The following ZNF521 variants were observed in gnomAD, a reference collection of about 807,000 sequenced individuals.
ZNF521 encodes the protein LYST-interacting protein 3.
ZNF521 carries 14 observed loss-of-function variants against 105.5 expected under a neutral mutation model. The observed-to-expected ratio is 0.13, with a 90% CI of 0.09 to 0.21. ZNF521 has a LOEUF of 0.21. ZNF521 is among the 10% of genes least tolerant of loss of function. The pLI is 1.00. For missense variants in ZNF521, 1,233 were observed against 1,629.7 expected, an observed-to-expected ratio of 0.76 and a Z score of 4.19; for synonymous variants, 635 against 606.0, an observed-to-expected ratio of 1.05 and a Z score of -0.70.
intron 4 of ZNF521, among the ~76,000 whole-genome samples, chr18:25,216,747 G>A (rs1905351390): frequency 6.6e-6 from 1 of 152,120 alleles, no homozygotes; most frequent in African/African-American, 2.4e-5. Context: ...TGTAGAGACA[G>A]GATCTTGCTG....
At chr18:25,071,007 T>TA (rs1246498283) in intron 7 of ZNF521, among the ~76,000 whole-genome samples, 6 of 152,090 alleles carry the variant, frequency 3.9e-5, no homozygotes, top group African/African-American at 1.4e-4. Context: ...AGGTTTAAAT[T>TA]AGAGGTCAGA....
In ZNF521 at chr18:25,062,097, T is replaced by C. The variant is rs889770180; in HGVS notation, c.*615A>G. 1 of 200,584 alleles carries C rather than the reference T, an allele frequency of 5.0e-6. No individual in the cohort carries two copies. Among genetic ancestry groups the C allele is most frequent in the African/African-American group, 2.3e-5 (1 of 43,618 alleles). 12.4% of individuals were successfully genotyped at this position (200,584 alleles called of 1,614,324 possible). The stretch of plus-strand genomic sequence containing the variant: ...TTGAACACTCAAAGCTTCAAATGTA[T>C]CCAGGGAAAAAAAAATTCTTTGACA... On this transcript the variant is annotated 3_prime_UTR_variant, in exon 8 of 8. Coordinates refer to ENST00000361524, the MANE Select transcript of ZNF521 (RefSeq NM_015461.3).
At position 25,062,544 on chromosome 18, in the gene ZNF521, G is replaced by A. The variant is rs750556040; in HGVS notation, c.*168C>T. ...TATATACAAGGGGTCTATCCGGTGC[G>A]CAAAAGTTCAAACACATGAACATCC... is the stretch of plus-strand genomic sequence containing the variant. On this transcript the variant is annotated 3_prime_UTR_variant, in exon 8 of 8. Coordinates refer to ENST00000361524, the MANE Select transcript of ZNF521 (RefSeq NM_015461.3). The A allele has an allele frequency of 5.0e-5, 44 of 878,820 alleles. No individual in the cohort carries two copies. Among genetic ancestry groups the A allele is most frequent in the Non-Finnish European group, 6.9e-5 (39 of 568,350 alleles). 54.4% of individuals were successfully genotyped at this position (878,820 alleles called of 1,614,324 possible).
chr18:25,233,849 T>C (rs1210782290), intron 3 of ZNF521, among the ~76,000 whole-genome samples: 1 of 152,178 alleles, frequency 6.6e-6, no homozygotes, highest in Non-Finnish European at 1.5e-5. Flanking sequence ...TTCGATTGCA[T>C]GTGCAGGGAG....
intron 3 of ZNF521, among the ~76,000 whole-genome samples, chr18:25,278,879 T>C (rs1910200130): frequency 6.6e-6 from 1 of 152,246 alleles, no homozygotes; most frequent in Non-Finnish European, 1.5e-5. Context: ...TTACAGTAGG[T>C]TGGCTTCAGG....
Position 25,224,486 on chromosome 18 carries a change from G to A in ZNF521, c.3432C>T (p.Asn1144=), listed in dbSNP as rs1011241462. The A allele has an allele frequency of 8.7e-6, 14 of 1,613,950 alleles. No homozygotes were observed. The Admixed American group carries it at 1.0e-4, about 12-fold the overall frequency. Reference sequence around the variant, plus strand: ...GTTCACTTTCAGACTCAAACTTAACGTTGCAGCTAGAGCAGCGTGTCTTCA... The same window carrying A: ...GTTCACTTTCAGACTCAAACTTAACATTGCAGCTAGAGCAGCGTGTCTTCA... ...GGLKTRCSSC[N]VKFESESELQ... Residue 1144 remains asparagine (N), a synonymous_variant, in exon 4 of 8, where the codon AAC becomes AAT. Transcript: ENST00000361524.
At chr18:25,175,313 C>A (rs2035518983) in intron 5 of ZNF521, among the ~76,000 whole-genome samples, 1 of 152,108 alleles carries the variant, frequency 6.6e-6, no homozygotes, top group Non-Finnish European at 1.5e-5. Context: ...AATAAGAAAT[C>A]AGAAAATTTG....
At chr18:25,350,367 G>A (rs1275027074) in intron 2 of ZNF521, among the ~76,000 whole-genome samples, 4 of 151,968 alleles carry the variant, frequency 2.6e-5, no homozygotes, top group Non-Finnish European at 4.4e-5. Flanking sequence ...GCGACGTGCG[G>A]AGAGGACCCA....
intron 3 of ZNF521, among the ~76,000 whole-genome samples, chr18:25,256,411 CAATT>C (rs2144872740): frequency 6.6e-6 from 1 of 152,118 alleles, no homozygotes; most frequent in South Asian, 2.1e-4. Context: ...TACTTTACCA[CAATT>C]AATTTTTTTA....
In ZNF521 at chr18:25,078,497, G is replaced by A. The variant is rs899521652; in HGVS notation, c.3906+10968C>T. On this transcript the variant is annotated intron_variant, in intron 7 of 7. Coordinates refer to ENST00000361524, the MANE Select transcript of ZNF521 (RefSeq NM_015461.3). ...CCCAAACATCAGAATGAGACCGTGA[G>A]CCAATTACACGCGAGGCAGAATTAT... Among the ~76,000 whole-genome samples the A allele has an allele frequency of 5.9e-5, 9 of 152,276 alleles. 1 individual carries two copies. In the South Asian group the frequency reaches 8.3e-4, roughly 14 times the overall value.
chr18:25,191,544 C>T (rs113825077), intron 5 of ZNF521, among the ~76,000 whole-genome samples: 39 of 152,260 alleles, frequency 2.6e-4, no homozygotes, highest in African/African-American at 8.9e-4. Flanking sequence ...GATTTATGCG[C>T]TAGTTGCAAT....
intron 5 of ZNF521, among the ~76,000 whole-genome samples, chr18:25,095,980 T>C (rs980610612): frequency 6.6e-6 from 1 of 152,130 alleles, no homozygotes; most frequent in South Asian, 2.1e-4. Flanking sequence ...ATTGAGACCA[T>C]GCTGGAAGCC....
intron 5 of ZNF521, among the ~76,000 whole-genome samples, chr18:25,152,282 C>T (rs1403808145): frequency 1.3e-5 from 2 of 151,966 alleles, no homozygotes; most frequent in African/African-American, 4.8e-5. Flanking sequence ...AGTTTGAGAC[C>T]AGCCTGGCCA....
chr18:25,164,146 C>G (rs1182311632), intron 5 of ZNF521, among the ~76,000 whole-genome samples: 2 of 152,138 alleles, frequency 1.3e-5, no homozygotes, highest in Admixed American at 6.5e-5. Flanking sequence ...TGGTATCCCC[C>G]CCACTTCCCT....
At chr18:25,333,813 T>G (rs1325555049) in intron 2 of ZNF521, among the ~76,000 whole-genome samples, 1 of 152,214 alleles carries the variant, frequency 6.6e-6, no homozygotes, top group Non-Finnish European at 1.5e-5. Context: ...TTCTCCTCTA[T>G]CTGCTTCATG....
intron 7 of ZNF521, among the ~76,000 whole-genome samples, chr18:25,068,850 A>G (rs947333777): frequency 5.9e-5 from 9 of 152,192 alleles, no homozygotes; most frequent in African/African-American, 1.7e-4. Flanking sequence ...ATGCTAGAAT[A>G]TTGACACAAA....
chr18:25,129,261 TAA>T (rs1491148629), intron 5 of ZNF521, among the ~76,000 whole-genome samples: 32 of 77,264 alleles, frequency 4.1e-4, no homozygotes, highest in South Asian at 1.7e-3. Context: ...ATAATAATAA[TAA>T]TAATTATTAT....
intron 5 of ZNF521, among the ~76,000 whole-genome samples, chr18:25,097,566 G>T (rs1029230707): frequency 1.3e-5 from 2 of 152,108 alleles, no homozygotes; most frequent in Non-Finnish European, 2.9e-5. Flanking sequence ...GGCACTGTCA[G>T]TATTTCTACG....
intron 3 of ZNF521, among the ~76,000 whole-genome samples, chr18:25,303,305 TGTGTGAGAGA>T (rs754930294): frequency 0.028 from 3,206 of 113,486 alleles, 53 homozygotes; most frequent in Middle Eastern, 0.05. Context: ...TGTGTGTGTG[TGTGTGAGAGA>T]GAGACGGAGT....
Sources: gnomAD v4.1 joint callset for allele counts (sites outside exome capture counted in the v4.1 genomes callset) on GRCh38, gnomAD v4.1.1 for gene constraint, MANE v1.5 for transcripts, NCBI Gene and HGNC (gene_info 2026-07-23, HGNC 2026-07-21) for gene names.